Variants in CASP8 observed in about 807,000 individuals in gnomAD.
CASP8 encodes caspase-8.
In CASP8, 24 loss-of-function variants were observed where a neutral mutation model predicts 46.3. The ratio of observed to expected loss-of-function variants is 0.52; its 90% CI spans 0.38 to 0.73. The LOEUF is 0.73. Among genes scored for constraint, CASP8 ranks in the 30% least tolerant of loss-of-function variants. The probability of loss-of-function intolerance (pLI) is 0.00; values close to 1 mark genes in which losing one functional copy is unlikely to be tolerated. For missense variants in CASP8, 460 were observed against 559.0 expected (o/e 0.82, Z 1.79); for synonymous variants, 188 against 200.4 (o/e 0.94, Z 0.52).
At chr2:201,253,853 G>A (rs1946896013) in intron 2 of CASP8, among the ~76,000 whole-genome samples, 1 of 151,986 alleles carries the variant, frequency 6.6e-6, no homozygotes, top group Admixed American at 6.6e-5. Flanking sequence ...AAGCCGAGGT[G>A]GGTCGATCAC....
chr2:201,284,550 G>A lies in CASP8; in HGVS notation c.803-266G>A, dbSNP rs1302809777. 9.3e-4 allele frequency among the ~76,000 whole-genome samples: 68 copies of A among 73,238 alleles called. No individual in the cohort carries two copies. In the Middle Eastern group the frequency reaches 0.029, roughly 31 times the overall value. The allele number at this position is 73,238 out of a possible 152,430, so 48.0% of individuals were successfully genotyped here. On this transcript the variant is annotated intron_variant, in intron 7 of 8. Coordinates refer to ENST00000673742, the MANE Select transcript of CASP8 (RefSeq NM_001372051.1). ...AAACCAGTCAGGCGTGGCGGCGCGCGCCTGCAATCGCAGGCACTCGGCAGG... is the reference window on the plus strand; with the variant it reads ...AAACCAGTCAGGCGTGGCGGCGCGCACCTGCAATCGCAGGCACTCGGCAGG...
chr2:201,242,471 A>G (rs1006885334), intron 2 of CASP8: 2 of 152,160 alleles, frequency 1.3e-5, no homozygotes, highest in African/African-American at 4.8e-5. Context: ...GATTTCTTTT[A>G]TAAGGCACTA....
chr2:201,237,277 G>T (rs998328588), intron 2 of CASP8, among the ~76,000 whole-genome samples: 2 of 150,986 alleles, frequency 1.3e-5, no homozygotes, highest in African/African-American at 2.4e-5. Flanking sequence ...TTTTAGTAGA[G>T]ATGGGGTTTC....
intron 7 of CASP8, among the ~76,000 whole-genome samples, chr2:201,279,300 C>T (rs1188929058): frequency 6.6e-6 from 1 of 152,196 alleles, no homozygotes; most frequent in African/African-American, 2.4e-5. Flanking sequence ...CTCTACACTT[C>T]GGTGTGCCAG....
upstream of CASP8, chr2:201,258,326 AG>A (rs1947133395): frequency 6.2e-7 from 1 of 1,613,776 alleles, no homozygotes; most frequent in African/African-American, 1.3e-5. Context: ...GAGCACGTGG[AG>A]TTAGGCAGGT....
intron 2 of CASP8, among the ~76,000 whole-genome samples, chr2:201,255,155 C>G (rs1445183020): frequency 6.6e-6 from 1 of 152,174 alleles, no homozygotes; most frequent in Admixed American, 6.5e-5. Flanking sequence ...GTCATCTCGG[C>G]TCACTGCAAC....
intron 7 of CASP8, among the ~76,000 whole-genome samples, chr2:201,283,625 A>G (rs1380061686): frequency 4.1e-5 from 3 of 72,640 alleles, no homozygotes; most frequent in Non-Finnish European, 9.5e-5. Context: ...AGGGGTCCTC[A>G]CTTCCCAGTA....
Position 201,271,614 on chromosome 2 carries a change from A to G in CASP8, c.404A>G (p.Asp135Gly). The G allele has an allele frequency of 6.4e-7, 1 of 1,573,446 alleles. No homozygotes were observed. The highest frequency in any genetic ancestry group is 8.8e-7 in the Non-Finnish European group (1 of 1,142,788). ...GAAATCTCCAAATGCAAACTGGATG[A>G]TGACATGGTAAGACCTGGTATCTTA... ...QEEISKCKLD[D>G]DMNLLDIFIE... Residue 135 changes from aspartate to glycine, a missense_variant, in exon 3 of 9, where the codon GAT (aspartate) becomes GGT (glycine). Asp to Gly is a moderately conservative substitution (Grantham distance 94). Coordinates refer to ENST00000673742, the MANE Select transcript of CASP8 (RefSeq NM_001372051.1).
intron 2 of CASP8, among the ~76,000 whole-genome samples, chr2:201,271,291 G>T (rs35342474): frequency 0.038 from 5,827 of 151,944 alleles, 163 homozygotes; most frequent in Middle Eastern, 0.076. Flanking sequence ...TGAAAGAAAA[G>T]TTGATAGAAC....
chr2:201,236,149 A>C (rs1946037889), intron 2 of CASP8, among the ~76,000 whole-genome samples: 1 of 152,104 alleles, frequency 6.6e-6, no homozygotes, highest in Admixed American at 6.5e-5. Flanking sequence ...TTACCTCCAA[A>C]ATATTTCGTA....
At chr2:201,261,864 AATG>A (rs1335075129) in intron 1 of CASP8, 2 of 152,056 alleles carry the variant, frequency 1.3e-5, no homozygotes, top group Admixed American at 1.3e-4. Flanking sequence ...ATATTACTGG[AATG>A]ATTGTGATGA....
rs776887648 is a variant in CASP8 at position 201,266,600 on chromosome 2, C to T, written c.114C>T (p.Ile38=). The T allele has an allele frequency of 3.1e-6, 5 of 1,614,228 alleles. No individual in the cohort carries two copies. The highest frequency in any genetic ancestry group is 4.5e-5 in the East Asian group (2 of 44,886). The change falls in exon 2 of 9, where the codon ATC becomes ATT. Residue 38 remains isoleucine (I), a synonymous_variant. Transcript: ENST00000673742. The surrounding 1 kb of genome is among the most constrained non-coding windows in gnomAD (Gnocchi z 5.7). Reference sequence around the variant, plus strand: ...TTCCGCAAAGGAAGCAAGAACCCATCAAGGATGCCTTGATGTTATTCCAGA... The same window carrying T: ...TTCCGCAAAGGAAGCAAGAACCCATTAAGGATGCCTTGATGTTATTCCAGA... ...DYIPQRKQEP[I]KDALMLFQRL...
chr2:201,235,188 A>G (rs932614786), intron 2 of CASP8, among the ~76,000 whole-genome samples: 2 of 152,148 alleles, frequency 1.3e-5, no homozygotes, highest in Non-Finnish European at 1.5e-5. Flanking sequence ...TTAAATTAGG[A>G]TCATTTTTCC....
At chr2:201,264,515 G>A (rs1947657144) in intron 1 of CASP8, among the ~76,000 whole-genome samples, 1 of 152,064 alleles carries the variant, frequency 6.6e-6, no homozygotes, top group Non-Finnish European at 1.5e-5. Flanking sequence ...TGCATTCCCA[G>A]GGCCTAGAGC....
chr2:201,252,221 T>C (rs1946818456), intron 2 of CASP8, among the ~76,000 whole-genome samples: 1 of 152,226 alleles, frequency 6.6e-6, no homozygotes, highest in African/African-American at 2.4e-5. Flanking sequence ...TGTTTTGTTA[T>C]TGTTGAGTGT....
At chr2:201,283,738 GC>G (rs1480265392) in intron 7 of CASP8, among the ~76,000 whole-genome samples, 2 of 74,232 alleles carry the variant, frequency 2.7e-5, no homozygotes, top group Non-Finnish European at 6.9e-5. Flanking sequence ...GGGCAGAGGG[GC>G]TCCTCACTTC....
At position 201,272,266 on chromosome 2, in the gene CASP8, A is replaced by G. The variant is rs113164702; in HGVS notation, c.412-372A>G. 6.1e-3 allele frequency among the ~76,000 whole-genome samples: 934 copies of G among 151,942 alleles called. 4 individuals are homozygous for G. The highest frequency in any genetic ancestry group is 0.01 in the Non-Finnish European group (703 of 67,922). On this transcript the variant is annotated intron_variant, in intron 3 of 8. Coordinates refer to ENST00000673742, the MANE Select transcript of CASP8 (RefSeq NM_001372051.1). The surrounding 1 kb of genome is among the most constrained non-coding windows in gnomAD (Gnocchi z 4.4). ...TGTGTCTGTGTGTCTGTATGTACTC[A>G]GGTCTGGAGAGGCAATGCTGGGGGT...
chr2:201,245,854 C>T (rs1252430005), intron 2 of CASP8, among the ~76,000 whole-genome samples: 3 of 146,164 alleles, frequency 2.1e-5, no homozygotes, highest in Non-Finnish European at 3.0e-5. Context: ...GTTGCTTTTC[C>T]TTGTTTGTTC....
At chr2:201,239,043 G>T (rs1946180164) in intron 2 of CASP8, among the ~76,000 whole-genome samples, 1 of 152,254 alleles carries the variant, frequency 6.6e-6, no homozygotes, top group South Asian at 2.1e-4. Flanking sequence ...ATTCAACCCT[G>T]AGTGGATACA....
Sources: gnomAD v4.1 joint callset for allele counts (sites outside exome capture counted in the v4.1 genomes callset) on GRCh38, gnomAD v4.1.1 for gene constraint, Gnocchi (gnomAD v3.1) non-coding constraint, MANE v1.5 for transcripts, NCBI Gene and HGNC (gene_info 2026-07-23, HGNC 2026-07-21) for gene names.